The following TRPC5 variants were observed in gnomAD, a reference collection of about 807,000 sequenced individuals.
TRPC5 encodes short transient receptor potential channel 5.
TRPC5 carries 9 observed loss-of-function variants against 56.5 expected under a neutral mutation model. That is an observed-to-expected ratio of 0.16 (90% CI 0.10 to 0.28). TRPC5 has a LOEUF of 0.28. TRPC5 is among the 10% of genes least tolerant of loss of function. TRPC5 has a pLI of 1.00. For synonymous variants in TRPC5, 282 were observed against 278.5 expected, an observed-to-expected ratio of 1.01 and a Z score of -0.13; for missense variants, 469 against 748.9, an observed-to-expected ratio of 0.63 and a Z score of 4.36.
At chrX:111,868,078 T>C (rs1463018926) in intron 3 of TRPC5, among the ~76,000 whole-genome samples, 1 of 112,214 alleles carries the variant, frequency 8.9e-6, no homozygotes, top group African/African-American at 3.2e-5. Context: ...TTTGAGTGAC[T>C]ACTGGATGTC....
intron 1 of TRPC5, among the ~76,000 whole-genome samples, chrX:111,982,621 A>G (rs1240651769): frequency 8.9e-6 from 1 of 111,787 alleles, no homozygotes; most frequent in African/African-American, 3.3e-5. Flanking sequence ...ACCAGCCAAC[A>G]CCATGAGTCC....
chrX:111,903,846 C>G (rs1028442074), intron 3 of TRPC5: 1 of 111,997 alleles, frequency 8.9e-6, no homozygotes, highest in African/African-American at 3.2e-5. Context: ...GGAGTTGTGC[C>G]TATATAAATT....
At chrX:111,907,604 G>A (rs1382137569) in intron 3 of TRPC5, among the ~76,000 whole-genome samples, 1 of 109,446 alleles carries the variant, frequency 9.1e-6, no homozygotes, top group African/African-American at 3.3e-5. Context: ...CAGCCTGGGT[G>A]ACATAGTGAA....
At chrX:111,976,829 C>T (rs1310074013) in intron 1 of TRPC5, among the ~76,000 whole-genome samples, 1 of 109,805 alleles carries the variant, frequency 9.1e-6, no homozygotes. Context: ...AGTGGCATTT[C>T]TATACACCAA....
chrX:111,992,837 A>T (rs1224213567), intron 1 of TRPC5, among the ~76,000 whole-genome samples: 1 of 110,097 alleles, frequency 9.1e-6, no homozygotes, highest in Non-Finnish European at 1.9e-5. Flanking sequence ...TCCTGACCTC[A>T]AGTGATTCAT....
intron 1 of TRPC5, among the ~76,000 whole-genome samples, chrX:112,018,490 AC>A (rs1166979779): frequency 8.9e-6 from 1 of 112,203 alleles, no homozygotes; most frequent in Non-Finnish European, 1.9e-5. Flanking sequence ...TGTTCCATTT[AC>A]AAATATATTA....
At chrX:111,932,811 G>T (rs1926455314) in intron 2 of TRPC5, among the ~76,000 whole-genome samples, 1 of 111,853 alleles carries the variant, frequency 8.9e-6, no homozygotes, top group Non-Finnish European at 1.9e-5. Flanking sequence ...CAGTGTCCTG[G>T]ATCTGCTGAG....
intron 1 of TRPC5, among the ~76,000 whole-genome samples, chrX:112,029,239 G>A (rs1010629669): frequency 9.0e-6 from 1 of 110,839 alleles, no homozygotes; most frequent in African/African-American, 3.3e-5. Flanking sequence ...GAGAGAATAT[G>A]TAATATAATG....
intron 3 of TRPC5, among the ~76,000 whole-genome samples, chrX:111,891,527 G>A (rs1251963352): frequency 9.0e-6 from 1 of 110,854 alleles, no homozygotes; most frequent in African/African-American, 3.3e-5. Flanking sequence ...TGCTACACAG[G>A]ATTATTTTGT....
intron 2 of TRPC5, among the ~76,000 whole-genome samples, chrX:111,939,470 A>T (rs760519044): frequency 9.0e-5 from 10 of 111,470 alleles, no homozygotes; most frequent in Admixed American, 3.8e-4. Flanking sequence ...TAGGATTGGG[A>T]TTAGTTCTTC....
At chrX:111,972,168 T>C (rs1426543866) in intron 1 of TRPC5, among the ~76,000 whole-genome samples, 2 of 112,000 alleles carry the variant, frequency 1.8e-5, no homozygotes, top group Admixed American at 9.5e-5. Flanking sequence ...TCTGCCACCA[T>C]GTTCCTTTTA....
intron 7 of TRPC5, among the ~76,000 whole-genome samples, chrX:111,790,783 G>C (rs1301463155): frequency 2.7e-5 from 3 of 110,235 alleles, no homozygotes; most frequent in African/African-American, 9.9e-5. Context: ...CACTTTGGGA[G>C]GCCAAAGCTG....
Position 111,776,182 on chromosome X carries a change from G to T in TRPC5, c.*131C>A. On this transcript the variant is annotated 3_prime_UTR_variant, in exon 11 of 11. Coordinates refer to ENST00000262839, the MANE Select transcript of TRPC5 (RefSeq NM_012471.3). ...AATGGAGAATGTGGCTATAAAAGAT[G>T]GTGCAAATAAGAGTTTCACTCTCCT... 1 of 583,166 alleles carries T rather than the reference G, an allele frequency of 1.7e-6. No individual in the cohort carries two copies. The highest frequency in any genetic ancestry group is 5.2e-5 in the South Asian group (1 of 19,330). The allele number at this position is 583,166 out of a possible 1,213,427, so 48.1% of individuals were successfully genotyped here. A position where few individuals can be genotyped will look rare whatever the true frequency, so the allele number is the denominator to read the frequency against.
At chrX:111,937,561 A>T (rs1292491009) in intron 2 of TRPC5, among the ~76,000 whole-genome samples, 1 of 107,611 alleles carries the variant, frequency 9.3e-6, no homozygotes, top group African/African-American at 3.5e-5. Context: ...CTTTCTACAT[A>T]TGGCTAGCCA....
chrX:111,861,095 G>C (rs1298207822), intron 3 of TRPC5, among the ~76,000 whole-genome samples: 4 of 112,001 alleles, frequency 3.6e-5, no homozygotes, highest in African/African-American at 6.5e-5. Context: ...GTTTAAGAGA[G>C]AAAGTTAAAT....
intron 7 of TRPC5, among the ~76,000 whole-genome samples, chrX:111,789,627 C>T (rs942045454): frequency 8.9e-6 from 1 of 112,161 alleles, no homozygotes; most frequent in Admixed American, 9.4e-5. Flanking sequence ...AGAGAACAGG[C>T]ATCCTACAGA....
chrX:112,073,459 G>A (rs183297621), intron 1 of TRPC5, among the ~76,000 whole-genome samples: 1,447 of 108,670 alleles, frequency 0.013, 33 homozygotes, highest in African/African-American at 0.045. Flanking sequence ...TAGTAGAGAC[G>A]GGGTTTCACC....
chrX:111,975,836 G>A (rs75739877), intron 1 of TRPC5, among the ~76,000 whole-genome samples: 1,175 of 111,990 alleles, frequency 0.01, 7 homozygotes, highest in Non-Finnish European at 0.017. Context: ...GCGGAGAGGC[G>A]GAGCTTGCAG....
At chrX:112,081,369 G>T (rs1487940531) in intron 1 of TRPC5, among the ~76,000 whole-genome samples, 4 of 111,661 alleles carry the variant, frequency 3.6e-5, no homozygotes, top group Admixed American at 1.9e-4. Flanking sequence ...CATTTCTTAA[G>T]TTTGAAGGAT....
Sources: gnomAD v4.1 joint callset for allele counts (sites outside exome capture counted in the v4.1 genomes callset) on GRCh38, gnomAD v4.1.1 for gene constraint, MANE v1.5 for transcripts, NCBI Gene and HGNC (gene_info 2026-07-23, HGNC 2026-07-21) for gene names.